Variants in PLAGL1 observed in about 807,000 individuals in gnomAD.
PLAGL1 encodes the protein PLAG1 like zinc finger 1.
A neutral mutation model predicts 4.6 loss-of-function variants in PLAGL1; 1 was observed. That is an observed-to-expected ratio of 0.22 (90% CI 0.08 to 1.03). The LOEUF (loss-of-function observed/expected upper bound fraction) is 1.03. PLAGL1 is among the 50% of genes least tolerant of loss of function. The pLI is 0.58. For missense variants in PLAGL1, 464 were observed against 570.4 expected (o/e 0.81, Z 1.90); for synonymous variants, 240 against 237.8 (o/e 1.01, Z -0.08).
At position 144,063,381 on chromosome 6, in the gene PLAGL1, C is replaced by T. The variant is rs944104623; in HGVS notation, c.-151+1087G>A. 6.6e-6 allele frequency among the ~76,000 whole-genome samples: 1 copy of T among 152,094 alleles called. No individual in the cohort carries two copies. The highest frequency in any genetic ancestry group is 2.4e-5 in the African/African-American group (1 of 41,400). ...CTAACTAGGCGTCCCCAGCCATATCCCCGGGGCAGCTTTTACAAAAAGTCT... is the reference window on the plus strand; with the variant it reads ...CTAACTAGGCGTCCCCAGCCATATCTCCGGGGCAGCTTTTACAAAAAGTCT... On this transcript the variant is annotated intron_variant, in intron 1 of 3. Coordinates refer to the PLAGL1 transcript ENST00000437412. The surrounding 1 kb of genome is among the most constrained non-coding windows in gnomAD (Gnocchi z 5.7).
At chr6:144,054,194 C>G (rs1339699860) in intron 1 of PLAGL1, among the ~76,000 whole-genome samples, 1 of 152,122 alleles carries the variant, frequency 6.6e-6, no homozygotes, top group Non-Finnish European at 1.5e-5. Flanking sequence ...TGAAAGTTTA[C>G]CAGCCCCTAC....
rs1277920676 is a variant in PLAGL1, at chr6:144,036,840, CA to C, written c.-151+27627del. 1 of 306,666 alleles carries C rather than the reference CA, an allele frequency of 3.3e-6. No individual in the cohort carries two copies. The highest frequency in any genetic ancestry group is 6.3e-6 in the Non-Finnish European group (1 of 159,098). The allele number at this position is 306,666 out of a possible 1,614,324, so 19.0% of individuals were successfully genotyped here. On this transcript the variant is annotated intron_variant, in intron 1 of 3. Coordinates refer to the PLAGL1 transcript ENST00000437412. This position sits in a 1 kb window ranked among gnomAD's most constrained non-coding sequence, Gnocchi z 5.1. The stretch of plus-strand genomic sequence containing the variant: ...ACTAAACAGGTTTGAAATACTCTGG[CA>C]TAAAATGAAGGCCATCCCCTAATGG...
In PLAGL1 at chr6:143,982,502, C is replaced by T. The variant is rs1481815923; in HGVS notation, c.-544+2633G>A. On this transcript the variant is annotated intron_variant, in intron 2 of 7. Transcript: ENST00000674357. This position sits in a 1 kb window ranked among gnomAD's most constrained non-coding sequence, Gnocchi z 5.3. ...GAGACACTGGAGCAGAAAAGTAACA[C>T]GATCAGACTTAACAGTTTTAAATAA... Among the ~76,000 whole-genome samples, 3 of 152,104 alleles carry T rather than the reference C, an allele frequency of 2.0e-5. No individual in the cohort carries two copies. The highest frequency in any genetic ancestry group is 7.2e-5 in the African/African-American group (3 of 41,420).
In PLAGL1 at chr6:143,985,982, TTATATATATATATATATA is replaced by T. The variant is rs55768066; in HGVS notation, c.-583-826_-583-809del. Among the ~76,000 whole-genome samples, 8 of 111,584 alleles carry T rather than the reference TTATATATATATATATATA, an allele frequency of 7.2e-5. No individual in the cohort carries two copies. Among genetic ancestry groups the T allele is most frequent in the South Asian group, 6.0e-4 (2 of 3,314 alleles). The allele number at this position is 111,584 out of a possible 152,430, so 73.2% of individuals were successfully genotyped here. On this transcript the variant is annotated intron_variant, in intron 1 of 7. Transcript: ENST00000674357. The surrounding 1 kb of genome is among the most constrained non-coding windows in gnomAD (Gnocchi z 4.4). Reference sequence around the variant, plus strand: ...TATATCAAATTATATATATATAAAATTATATATATATATATATATATATATATATCATTTAATCCTTTT... The same window carrying T: ...TATATCAAATTATATATATATAAAATTATATATATATCATTTAATCCTTTT...
In PLAGL1 at chr6:143,954,370, A is replaced by G. The variant is rs985532881; in HGVS notation, c.-324-5910T>C. ...CCTAGAGAGAACAGAGGTCCTTAAA[A>G]GAAGAGCAGGATATTATTTTTTAAA... On this transcript the variant is annotated intron_variant, in intron 6 of 7. Transcript: ENST00000674357. The surrounding 1 kb of genome is among the most constrained non-coding windows in gnomAD (Gnocchi z 5.1). 6.6e-6 allele frequency among the ~76,000 whole-genome samples: 1 copy of G among 152,368 alleles called. No homozygotes were observed. The highest frequency in any genetic ancestry group is 2.1e-4 in the South Asian group (1 of 4,826).
rs61313540 is a variant in PLAGL1 at position 143,982,455 on chromosome 6, G to A, written c.-544+2680C>T. On this transcript the variant is annotated intron_variant, in intron 2 of 7. Coordinates refer to ENST00000674357, the MANE Select transcript of PLAGL1 (RefSeq NM_001317162.2). The surrounding 1 kb of genome is among the most constrained non-coding windows in gnomAD (Gnocchi z 5.3). Reference sequence around the variant, plus strand: ...AGCACATAGGAGATGATAAGCCTCCGTAAGCGAGATGGGAAGGACTGGAGA... The same window carrying A: ...AGCACATAGGAGATGATAAGCCTCCATAAGCGAGATGGGAAGGACTGGAGA... Among the ~76,000 whole-genome samples the A allele has an allele frequency of 8.6e-3, 1,314 of 152,276 alleles. 57 individuals carry two copies. The East Asian group carries it at 0.13, about 15-fold the overall frequency.
chr6:144,043,718 T>C (rs955924954), intron 1 of PLAGL1, among the ~76,000 whole-genome samples: 2 of 152,218 alleles, frequency 1.3e-5, no homozygotes, highest in Non-Finnish European at 2.9e-5. Flanking sequence ...GATTCCCTCT[T>C]TTTCTATTGA....
rs961017360 is a variant in PLAGL1, at chr6:143,995,046, G to A, written c.-583-9872C>T. ...TGTGCTCAGAATCCAAGTAATCAGA[G>A]GTCAAATGCTTGCTGTATTACTTAT... On this transcript the variant is annotated intron_variant, in intron 1 of 7. Transcript: ENST00000674357. This position sits in a 1 kb window ranked among gnomAD's most constrained non-coding sequence, Gnocchi z 4.4. Among the ~76,000 whole-genome samples the A allele has an allele frequency of 1.3e-5, 2 of 152,156 alleles. No individual in the cohort carries two copies. Among genetic ancestry groups the A allele is most frequent in the African/African-American group, 2.4e-5 (1 of 41,436 alleles).
chr6:144,046,564 C>T (rs545064997), intron 1 of PLAGL1, among the ~76,000 whole-genome samples: 2 of 152,158 alleles, frequency 1.3e-5, no homozygotes, highest in African/African-American at 2.4e-5. Flanking sequence ...CTGGAAGCTT[C>T]GTCTCAGAGG....
At position 143,957,462 on chromosome 6, in the gene PLAGL1, T is replaced by G. The variant is rs1419765981; in HGVS notation, c.-325+3007A>C. 6.6e-6 allele frequency among the ~76,000 whole-genome samples: 1 copy of G among 152,242 alleles called. No homozygotes were observed. On this transcript the variant is annotated intron_variant, in intron 6 of 7. Transcript: ENST00000674357. This position sits in a 1 kb window ranked among gnomAD's most constrained non-coding sequence, Gnocchi z 4.2. ...CCCTAGAAACCCTTGAGTCTCGCCTTTAGGCCCTTTTAGGGTCTGCTTCTA... is the reference window on the plus strand; with the variant it reads ...CCCTAGAAACCCTTGAGTCTCGCCTGTAGGCCCTTTTAGGGTCTGCTTCTA...
intron 1 of PLAGL1, among the ~76,000 whole-genome samples, chr6:144,014,848 G>T (rs1795462747): frequency 6.6e-6 from 1 of 152,148 alleles, no homozygotes; most frequent in Non-Finnish European, 1.5e-5. Flanking sequence ...CCAAGGTGCT[G>T]AGATTACAGG....
chr6:143,945,021 C>T lies in PLAGL1; in HGVS notation c.153-2358G>A, dbSNP rs570463455. 2.0e-5 allele frequency among the ~76,000 whole-genome samples: 3 copies of T among 152,284 alleles called. No individual in the cohort carries two copies. In the East Asian group the frequency reaches 5.8e-4, roughly 29 times the overall value. ...GGCACAGTCTGACACCCCAGTAGTA[C>T]TTGAGCAAGACCACTGCCTTCCAGA... On this transcript the variant is annotated intron_variant, in intron 7 of 7. Coordinates refer to ENST00000674357, the MANE Select transcript of PLAGL1 (RefSeq NM_001317162.2). The surrounding 1 kb of genome is among the most constrained non-coding windows in gnomAD (Gnocchi z 4.2).
In PLAGL1 at chr6:144,034,633, A is replaced by G. The variant is rs1028655489; in HGVS notation, c.-151+29835T>C. On this transcript the variant is annotated intron_variant, in intron 1 of 3. Coordinates refer to the PLAGL1 transcript ENST00000437412. The surrounding 1 kb of genome is among the most constrained non-coding windows in gnomAD (Gnocchi z 4.7). ...GTCATTATGCAATAATGAACCTTGG[A>G]CAGCCAAAATTTCATCTACAATATC... is the stretch of plus-strand genomic sequence containing the variant. Among the ~76,000 whole-genome samples the G allele has an allele frequency of 1.3e-5, 2 of 152,346 alleles. No homozygotes were observed. The highest frequency in any genetic ancestry group is 3.9e-4 in the East Asian group (2 of 5,190).
intron 1 of PLAGL1, among the ~76,000 whole-genome samples, chr6:144,041,166 G>A (rs1239953408): frequency 1.3e-5 from 2 of 151,958 alleles, no homozygotes; most frequent in East Asian, 3.8e-4. Context: ...GAGAGCTTGT[G>A]GCAGATACTA....
intron 1 of PLAGL1, among the ~76,000 whole-genome samples, chr6:144,047,555 G>C (rs865976214): frequency 6.6e-6 from 1 of 152,098 alleles, no homozygotes; most frequent in Non-Finnish European, 1.5e-5. Context: ...GGCTTATGTG[G>C]CATGAGAAAA....
chr6:144,052,998 C>G lies in PLAGL1; in HGVS notation c.-151+11470G>C, dbSNP rs182672581. Among the ~76,000 whole-genome samples the G allele has an allele frequency of 2.5e-3, 383 of 152,250 alleles. 2 individuals carry two copies. Among genetic ancestry groups the G allele is most frequent in the Non-Finnish European group, 4.6e-3 (313 of 68,012 alleles). On this transcript the variant is annotated intron_variant, in intron 1 of 3. Transcript: ENST00000437412. ...GGGGGTCACAGAAAAAAATTATACTCACAATACTATATTTTTTCAGGTTAG... is the reference window on the plus strand; with the variant it reads ...GGGGGTCACAGAAAAAAATTATACTGACAATACTATATTTTTTCAGGTTAG...
chr6:144,027,234 C>CGAACAAAAGAAAGAAA lies in PLAGL1; in HGVS notation c.-151+37233_-151+37234insTTTCTTTCTTTTGTTC, dbSNP rs1263928332. The stretch of plus-strand genomic sequence containing the variant: ...GAAAGACCCCAACTCAAAGAACGAA[C>CGAACAAAAGAAAGAAA]GAAAGAAAGAAAGAAAGAAAGAAAG... On this transcript the variant is annotated intron_variant, in intron 1 of 3. Transcript: ENST00000437412. The surrounding 1 kb of genome is among the most constrained non-coding windows in gnomAD (Gnocchi z 5.8). Among the ~76,000 whole-genome samples the CGAACAAAAGAAAGAAA allele has an allele frequency of 1.5e-4, 17 of 111,632 alleles. No individual in the cohort carries two copies. Among genetic ancestry groups the CGAACAAAAGAAAGAAA allele is most frequent in the African/African-American group, 6.4e-4 (17 of 26,616 alleles). 73.2% of individuals were successfully genotyped at this position (111,632 alleles called of 152,430 possible). A position where few individuals can be genotyped will look rare whatever the true frequency, so the allele number is the denominator to read the frequency against.
intron 7 of PLAGL1, among the ~76,000 whole-genome samples, chr6:143,946,731 C>T (rs988431862): frequency 6.6e-6 from 1 of 152,230 alleles, no homozygotes. Context: ...ATCTCACTTG[C>T]TAAAGCCTGG....
intron 1 of PLAGL1, among the ~76,000 whole-genome samples, chr6:144,023,990 T>G (rs974898929): frequency 6.6e-6 from 1 of 152,074 alleles, no homozygotes; most frequent in Non-Finnish European, 1.5e-5. Context: ...TTGACCAGAC[T>G]GGTCTTGAAC....
Sources: gnomAD v4.1 joint callset for allele counts (sites outside exome capture counted in the v4.1 genomes callset) on GRCh38, gnomAD v4.1.1 for gene constraint, Gnocchi (gnomAD v3.1) non-coding constraint, MANE v1.5 for transcripts, NCBI Gene and HGNC (gene_info 2026-07-23, HGNC 2026-07-21) for gene names.